Variants in RPL3 observed in about 807,000 individuals in gnomAD.
RPL3 encodes large ribosomal subunit protein uL3.
A neutral mutation model predicts 46.0 loss-of-function variants in RPL3; 3 were observed. The ratio of observed to expected loss-of-function variants is 0.07; its 90% CI spans 0.03 to 0.17. The LOEUF is 0.17. Ranked by LOEUF, RPL3 falls within the 10% of genes least tolerant of loss-of-function variation. The probability of loss-of-function intolerance (pLI) is 1.00; values close to 1 mark genes in which losing one functional copy is unlikely to be tolerated. For missense variants in RPL3, 387 were observed against 532.7 expected (o/e 0.73, Z 2.69); for synonymous variants, 224 against 190.8 (o/e 1.17, Z -1.43).
intron 2 of RPL3, 29 bp downstream of exon 2, chr22:39,318,371 C>T (rs1482667737): frequency 1.9e-6 from 3 of 1,605,208 alleles, no homozygotes; most frequent in African/African-American, 1.3e-5. Flanking sequence ...CACTCCTATT[C>T]CCCCAACTTT....
intron 3 of RPL3, 144 bp from the exon 4 acceptor site, chr22:39,316,985 A>T: frequency 7.9e-7 from 1 of 1,261,464 alleles, no homozygotes; most frequent in Non-Finnish European, 1.1e-6. Flanking sequence ...CAGCAAGCGG[A>T]GCCTGGATGG....
intron 8 of RPL3, 71 bp from the exon 9 acceptor site, chr22:39,313,381 C>T: frequency 6.3e-7 from 1 of 1,589,192 alleles, no homozygotes; most frequent in Non-Finnish European, 8.6e-7. Flanking sequence ...TTCACAGCGC[C>T]CCTGCATCTG....
chr22:39,316,766 C>T lies in RPL3; in HGVS notation c.441G>A (p.Glu147=), dbSNP rs1245941692. Residue 147 remains glutamate (E), a synonymous_variant, in exon 4 of 10, where the codon GAG becomes GAA. Transcript: ENST00000216146. ...WQDEDGKKQL[E]KDFSSMKKYC... Reference sequence around the variant, plus strand: ...ACTTCTTCATGCTGCTGAAGTCCTTCTCCAGCTGCTTCTTGCCATCCTCAT... The same window carrying T: ...ACTTCTTCATGCTGCTGAAGTCCTTTTCCAGCTGCTTCTTGCCATCCTCAT... 1.2e-6 allele frequency: 2 copies of T among 1,613,788 alleles called. No individual in the cohort carries two copies. The highest frequency in any genetic ancestry group is 1.7e-6 in the Non-Finnish European group (2 of 1,179,922).
At chr22:39,314,382 G>A in intron 6 of RPL3, 174 bp from the exon 7 acceptor site, 1 of 653,830 alleles carries the variant, frequency 1.5e-6, no homozygotes, top group South Asian at 1.9e-5. Flanking sequence ...TTTCTGTAAG[G>A]CGGCTGGGCT....
chr22:39,318,832 A>ATT (rs200871548), intron 1 of RPL3, among the ~76,000 whole-genome samples: 2 of 151,994 alleles, frequency 1.3e-5, no homozygotes, highest in Admixed American at 1.3e-4. Context: ...AAAACGACCC[A>ATT]TTTTTTTTAT....
chr22:39,318,384 G>A lies in RPL3; in HGVS notation c.196+16C>T, dbSNP rs759321557. 6.2e-7 allele frequency: 1 copy of A among 1,606,706 alleles called. No homozygotes were observed. Among genetic ancestry groups the A allele is most frequent in the Non-Finnish European group, 8.5e-7 (1 of 1,177,654 alleles). On this transcript the variant is annotated intron_variant, in intron 2 of 9. Coordinates refer to ENST00000216146, the MANE Select transcript of RPL3 (RefSeq NM_000967.4). ...TCCACTCCTATTCCCCCAACTTTTAGGATGTCTGTACATACTGGATCCCGG... is the reference window on the plus strand; with the variant it reads ...TCCACTCCTATTCCCCCAACTTTTAAGATGTCTGTACATACTGGATCCCGG...
intron 1 of RPL3, among the ~76,000 whole-genome samples, chr22:39,318,806 CCT>C (rs890040486): frequency 2.0e-5 from 3 of 152,172 alleles, no homozygotes; most frequent in African/African-American, 7.2e-5. Context: ...TATTTCAAAT[CCT>C]CTCAACCTGT....
At chr22:39,317,725 G>C (rs543054005) in intron 2 of RPL3, 96 bp from the exon 3 acceptor site, 1 of 1,410,616 alleles carries the variant, frequency 7.1e-7, no homozygotes, top group Non-Finnish European at 9.8e-7. Context: ...AGGCCGGAAG[G>C]GCAACTGGGC....
intron 6 of RPL3, 39 bp from the exon 7 acceptor site, chr22:39,314,247 G>C: frequency 6.5e-7 from 1 of 1,548,770 alleles, no homozygotes; most frequent in Non-Finnish European, 8.9e-7. Flanking sequence ...GGGCATTAGG[G>C]ACAAATAACC....
At chr22:39,318,899 T>G in intron 1 of RPL3, 1 of 465,020 alleles carries the variant, frequency 2.2e-6, no homozygotes, top group South Asian at 1.8e-5. Flanking sequence ...ACAGGCAGCT[T>G]TATATGCCAA....
intron 4 of RPL3, among the ~76,000 whole-genome samples, chr22:39,316,280 A>AATTGCC (rs1181944327): frequency 3.3e-5 from 5 of 151,442 alleles, no homozygotes; most frequent in Admixed American, 1.3e-4. Context: ...GCTTTCACTC[A>AATTGCC]AGGACAGCCT....
intron 3 of RPL3, 193 bp from the exon 4 acceptor site, chr22:39,317,034 C>T (rs1265874013): frequency 1.3e-5 from 10 of 778,926 alleles, no homozygotes; most frequent in Admixed American, 8.1e-5. Flanking sequence ...GAGCAGAGGT[C>T]CACAAGGTTA....
chr22:39,314,627 C>T, intron 6 of RPL3, 59 bp downstream of exon 6: 1 of 1,548,442 alleles, frequency 6.5e-7, no homozygotes. Context: ...GCACAGAAAC[C>T]CCACTCCCCA....
At chr22:39,315,689 C>T (rs558639533) in intron 4 of RPL3, 134 bp from the exon 5 acceptor site, 6 of 1,026,256 alleles carry the variant, frequency 5.8e-6, no homozygotes, top group Admixed American at 2.6e-5. Flanking sequence ...GTCACTGAAC[C>T]TCACCAAGAG....
intron 7 of RPL3, 88 bp from the exon 8 acceptor site, chr22:39,313,817 G>A (rs1457758969): frequency 8.2e-7 from 1 of 1,219,856 alleles, no homozygotes; most frequent in Non-Finnish European, 1.2e-6. Flanking sequence ...CCTGACCACA[G>A]GGCTGTTCTC....
Position 39,315,466 on chromosome 22 carries a change from G to C in RPL3, c.591C>G (p.Ala197=), listed in dbSNP as rs1445782951. 1 of 1,614,028 alleles carries C rather than the reference G, an allele frequency of 6.2e-7. No homozygotes were observed. Among genetic ancestry groups the C allele is most frequent in the South Asian group, 1.1e-5 (1 of 91,086 alleles). The change falls in exon 5 of 10, where the codon GCC becomes GCG. Residue 197 remains alanine (A), a synonymous_variant. Transcript: ENST00000216146. ...GTACCTGCTGCTCAAGCCTCTCGCG[G>C]GCCCAGTCCAGCTTCTCGGCCACAG... ...GGTVAEKLDW[A]RERLEQQVPV... is the part of the protein sequence containing the mutation.
intron 3 of RPL3, 82 bp downstream of exon 3, chr22:39,317,379 G>A (rs1922766894): frequency 6.7e-7 from 1 of 1,488,990 alleles, no homozygotes; most frequent in Non-Finnish European, 9.2e-7. Flanking sequence ...CTGCTACAGA[G>A]CTGAGAAACC....
At chr22:39,317,792 A>T in intron 2 of RPL3, 163 bp from the exon 3 acceptor site, 1 of 706,902 alleles carries the variant, frequency 1.4e-6, no homozygotes, top group South Asian at 1.9e-5. Flanking sequence ...TCTCATTCAA[A>T]GCACATTTAT....
At chr22:39,317,111 C>CAA in intron 3 of RPL3, 2 of 604,928 alleles carry the variant, frequency 3.3e-6, no homozygotes, top group South Asian at 4.0e-5. Flanking sequence ...TGGGGAAGCC[C>CAA]ACTCAGTGAT....
Sources: gnomAD v4.1 joint callset for allele counts (sites outside exome capture counted in the v4.1 genomes callset) on GRCh38, gnomAD v4.1.1 for gene constraint, MANE v1.5 for transcripts, NCBI Gene and HGNC (gene_info 2026-07-23, HGNC 2026-07-21) for gene names.